Variants in NTRK3 observed in about 807,000 individuals in gnomAD.
NTRK3 encodes NT-3 growth factor receptor.
A neutral mutation model predicts 91.7 loss-of-function variants in NTRK3; 24 were observed. The ratio of observed to expected loss-of-function variants is 0.26; its 90% CI spans 0.19 to 0.37. The LOEUF is 0.37. Ranked by LOEUF, NTRK3 falls within the 10% of genes least tolerant of loss-of-function variation. NTRK3 has a pLI of 1.00. For missense variants in NTRK3, 880 were observed against 1,068.9 expected, an observed-to-expected ratio of 0.82 and a Z score of 2.46; for synonymous variants, 483 against 404.0, an observed-to-expected ratio of 1.20 and a Z score of -2.34.
intron 6 of NTRK3, among the ~76,000 whole-genome samples, chr15:88,140,924 C>G (rs951039427): frequency 1.3e-5 from 2 of 152,178 alleles, no homozygotes; most frequent in South Asian, 4.2e-4. Context: ...CAAAATGGTA[C>G]GTGGTGCTTT....
intron 11 of NTRK3, 73 bp downstream of exon 11, chr15:88,128,638 G>A: frequency 1.4e-6 from 2 of 1,460,532 alleles, no homozygotes; most frequent in Non-Finnish European, 1.9e-6. Flanking sequence ...AGGAGAGAGG[G>A]CTATTTGAAT....
chr15:87,925,199 C>T (rs969122276), intron 17 of NTRK3, among the ~76,000 whole-genome samples: 1 of 152,158 alleles, frequency 6.6e-6, no homozygotes, highest in Non-Finnish European at 1.5e-5. Flanking sequence ...GAGAACAAAT[C>T]GCTCTGGTGT....
intron 13 of NTRK3, among the ~76,000 whole-genome samples, chr15:88,109,211 G>A (rs2051052382): frequency 6.6e-6 from 1 of 152,172 alleles, no homozygotes; most frequent in African/African-American, 2.4e-5. Context: ...CAAGCAGGCT[G>A]GGTCATTAAA....
At chr15:88,148,593 C>T (rs1005805600) in intron 5 of NTRK3, among the ~76,000 whole-genome samples, 3 of 152,068 alleles carry the variant, frequency 2.0e-5, no homozygotes, top group African/African-American at 7.2e-5. Context: ...GGAAGCCAGT[C>T]AGGAAGTAGT....
At chr15:87,954,852 C>T (rs2071501220) in intron 14 of NTRK3, among the ~76,000 whole-genome samples, 1 of 152,162 alleles carries the variant, frequency 6.6e-6, no homozygotes. Flanking sequence ...CCATAAATTC[C>T]CTGACAGCCA....
At chr15:87,890,005 C>T (rs1215253988) in intron 17 of NTRK3, among the ~76,000 whole-genome samples, 2 of 150,284 alleles carry the variant, frequency 1.3e-5, no homozygotes, top group African/African-American at 4.9e-5. Flanking sequence ...GATCCCGGGT[C>T]ACTTGTCCCA....
chr15:88,141,307 G>A (rs1024093303), intron 6 of NTRK3, among the ~76,000 whole-genome samples: 14 of 152,182 alleles, frequency 9.2e-5, no homozygotes, highest in East Asian at 5.8e-4. Context: ...CGCACTTGCC[G>A]TAGTGCCAAC....
At chr15:87,914,978 G>A (rs1385098830) in intron 17 of NTRK3, among the ~76,000 whole-genome samples, 1 of 152,144 alleles carries the variant, frequency 6.6e-6, no homozygotes, top group Non-Finnish European at 1.5e-5. Context: ...TAACAGCGGT[G>A]GCTATGGTGT....
At chr15:88,123,662 G>A (rs544981414) in intron 13 of NTRK3, among the ~76,000 whole-genome samples, 4 of 152,314 alleles carry the variant, frequency 2.6e-5, no homozygotes, top group African/African-American at 9.6e-5. Flanking sequence ...GAGACATAAG[G>A]CATCAATCAA....
At chr15:88,167,965 A>G (rs1238636690) in intron 5 of NTRK3, among the ~76,000 whole-genome samples, 1 of 152,228 alleles carries the variant, frequency 6.6e-6, no homozygotes, top group African/African-American at 2.4e-5. Flanking sequence ...TCCAAGTCTT[A>G]AAACAAGCTT....
chr15:88,047,448 G>T (rs1480999773), intron 13 of NTRK3, among the ~76,000 whole-genome samples: 1 of 152,098 alleles, frequency 6.6e-6, no homozygotes, highest in Non-Finnish European at 1.5e-5. Flanking sequence ...AAAGTCCAGA[G>T]ATCTCATCTG....
intron 13 of NTRK3, chr15:88,099,408 G>A: frequency 5.4e-6 from 1 of 186,102 alleles, no homozygotes; most frequent in African/African-American, 2.3e-5. Flanking sequence ...CATCAAGAGA[G>A]GCTGGACAAG....
rs114559070 is a variant in NTRK3, at chr15:88,189,848, C to T, written c.249-5549G>A. On this transcript the variant is annotated intron_variant, in intron 3 of 18. Coordinates refer to ENST00000394480, the Ensembl canonical transcript of NTRK3. ...CCAAGCATTCCAAAATTGGATGGTA[C>T]AGAATGTGTGGTCCATATTTTAATT... Among the ~76,000 whole-genome samples the T allele has an allele frequency of 8.8e-3, 1,345 of 152,234 alleles. 22 individuals are homozygous for T. Among genetic ancestry groups the T allele is most frequent in the African/African-American group, 0.031 (1,279 of 41,536 alleles).
At chr15:87,884,700 G>A (rs1323937633) in intron 17 of NTRK3, among the ~76,000 whole-genome samples, 1 of 151,488 alleles carries the variant, frequency 6.6e-6, no homozygotes, top group Non-Finnish European at 1.5e-5. Flanking sequence ...CTCAACCTTG[G>A]GGAACCTACT....
At chr15:88,134,685 C>T (rs1392254184) in intron 10 of NTRK3, among the ~76,000 whole-genome samples, 2 of 152,188 alleles carry the variant, frequency 1.3e-5, no homozygotes, top group Admixed American at 6.5e-5. Context: ...GCTTTATATA[C>T]CTTGACTCAT....
At chr15:88,073,559 G>A (rs1285562294) in intron 13 of NTRK3, among the ~76,000 whole-genome samples, 2 of 152,156 alleles carry the variant, frequency 1.3e-5, no homozygotes, top group Non-Finnish European at 2.9e-5. Flanking sequence ...AGGGAGGGCA[G>A]TATAAGCAAA....
chr15:87,923,940 G>A (rs565277121), intron 17 of NTRK3, among the ~76,000 whole-genome samples: 1 of 152,112 alleles, frequency 6.6e-6, no homozygotes, highest in African/African-American at 2.4e-5. Flanking sequence ...ACCAGATGAG[G>A]CCCCTCGATC....
rs1205899682 is a variant in NTRK3, at chr15:87,925,647, G to T, written c.2133+3544C>A. 1.5e-5 allele frequency: 3 copies of T among 201,524 alleles called. No individual in the cohort carries two copies. In the Admixed American group the frequency reaches 1.8e-4, roughly 12 times the overall value. 12.5% of individuals were successfully genotyped at this position (201,524 alleles called of 1,614,324 possible). ...CTGACAAATCAGAGCATTCCTCCAA[G>T]GCCTTAGCCGATGTATACTGAACAA... On this transcript the variant is annotated intron_variant, in intron 17 of 18. Transcript: ENST00000394480.
chr15:87,998,759 A>C (rs1325695562), intron 14 of NTRK3, among the ~76,000 whole-genome samples: 1 of 152,220 alleles, frequency 6.6e-6, no homozygotes, highest in Non-Finnish European at 1.5e-5. Context: ...AATTGCCTGC[A>C]CTGCAATCAT....
Sources: allele counts gnomAD v4.1 joint callset (sites outside exome capture counted in the v4.1 genomes callset), GRCh38; gene constraint gnomAD v4.1.1; transcripts MANE v1.5; gene names NCBI Gene and HGNC (gene_info 2026-07-23, HGNC 2026-07-21).